ZNF423: variants seen among roughly 807,000 people sequenced by gnomAD.
The protein encoded by ZNF423 is Ebf-associated zinc finger protein.
In ZNF423, 12 loss-of-function variants were observed where a neutral mutation model predicts 95.8. The observed-to-expected ratio is 0.13, with a 90% confidence interval of 0.08 to 0.20. The LOEUF (loss-of-function observed/expected upper bound fraction) is 0.20. Among genes scored for constraint, ZNF423 ranks in the 10% least tolerant of loss-of-function variants. The pLI is 1.00. For synonymous variants in ZNF423, 749 were observed against 711.9 expected (o/e 1.05, Z -0.83); for missense variants, 1,316 against 1,737.1 (o/e 0.76, Z 4.31).
chr16:49,608,896 C>T (rs1011128265), intron 5 of ZNF423, among the ~76,000 whole-genome samples: 3 of 152,150 alleles, frequency 2.0e-5, no homozygotes, highest in Non-Finnish European at 4.4e-5. Flanking sequence ...TATAATGAGG[C>T]ACTCACCGCC....
At chr16:49,844,450 A>C (rs1384750511) in intron 1 of ZNF423, among the ~76,000 whole-genome samples, 1 of 152,204 alleles carries the variant, frequency 6.6e-6, no homozygotes, top group Non-Finnish European at 1.5e-5. Flanking sequence ...GAGAACCGGC[A>C]TCAGCCTCTC....
At chr16:49,546,183 C>T (rs926245826) in intron 5 of ZNF423, among the ~76,000 whole-genome samples, 8 of 152,162 alleles carry the variant, frequency 5.3e-5, no homozygotes, top group African/African-American at 1.9e-4. Context: ...TGATCAAGCA[C>T]ATTGCCCAGC....
At chr16:49,517,534 G>C (rs139895257) in intron 7 of ZNF423, among the ~76,000 whole-genome samples, 4 of 152,174 alleles carry the variant, frequency 2.6e-5, no homozygotes, top group African/African-American at 9.7e-5. Flanking sequence ...GGGTGAGCGT[G>C]GGCAGGTGTA....
At chr16:49,858,720 C>CT (rs1313619696), upstream of ZNF423, among the ~76,000 whole-genome samples, 1 of 121,322 alleles carries the variant, frequency 8.2e-6, no homozygotes, top group African/African-American at 3.0e-5. The surrounding 1 kb of genome is among the most constrained non-coding windows in gnomAD (Gnocchi z 4.3). Flanking sequence ...AATAGGAGCC[C>CT]CCCCCCCCAC....
At chr16:49,722,272 C>T (rs1463718302) in intron 3 of ZNF423, among the ~76,000 whole-genome samples, 1 of 152,132 alleles carries the variant, frequency 6.6e-6, no homozygotes, top group Non-Finnish European at 1.5e-5. Flanking sequence ...CCACCCTGCC[C>T]ATCCACTTCC....
chr16:49,599,741 G>T (rs1971298134), intron 5 of ZNF423, among the ~76,000 whole-genome samples: 1 of 152,188 alleles, frequency 6.6e-6, no homozygotes, highest in Admixed American at 6.5e-5. Context: ...TAGAGCCAAA[G>T]AAGCCAGACA....
chr16:49,797,773 A>G (rs1437439579), intron 1 of ZNF423, among the ~76,000 whole-genome samples: 1 of 152,228 alleles, frequency 6.6e-6, no homozygotes, highest in African/African-American at 2.4e-5. Flanking sequence ...CAGCACAGGT[A>G]AGATCGCCTG....
chr16:49,756,450 T>A (rs4785188), intron 2 of ZNF423, among the ~76,000 whole-genome samples: 24,395 of 152,116 alleles, frequency 0.16, 2,036 homozygotes, highest in South Asian at 0.26. Flanking sequence ...AACAGCCTTT[T>A]GGAAGGCCAG....
intron 3 of ZNF423, among the ~76,000 whole-genome samples, chr16:49,653,387 C>T (rs1973491209): frequency 6.7e-6 from 1 of 149,964 alleles, no homozygotes; most frequent in Non-Finnish European, 1.5e-5. Flanking sequence ...CCGGAGGGAA[C>T]AGCAAAATTA....
chr16:49,512,861 C>T (rs1452272209), intron 7 of ZNF423, among the ~76,000 whole-genome samples: 3 of 152,030 alleles, frequency 2.0e-5, no homozygotes, highest in African/African-American at 7.2e-5. Context: ...TTTGAGAGGC[C>T]GAGGCAAGTG....
At chr16:49,673,243 T>C (rs892095893) in intron 3 of ZNF423, among the ~76,000 whole-genome samples, 3 of 151,996 alleles carry the variant, frequency 2.0e-5, no homozygotes, top group African/African-American at 7.3e-5. Context: ...TTGGGAGGAG[T>C]GGTGACCCCA....
At chr16:49,583,652 C>T (rs1396411666) in intron 5 of ZNF423, among the ~76,000 whole-genome samples, 2 of 152,138 alleles carry the variant, frequency 1.3e-5, no homozygotes, top group Admixed American at 1.3e-4. Flanking sequence ...TCGTCAAGCT[C>T]AATGACCATT....
intron 1 of ZNF423, among the ~76,000 whole-genome samples, chr16:49,794,442 G>C (rs1322444749): frequency 6.6e-6 from 1 of 152,102 alleles, no homozygotes; most frequent in East Asian, 1.9e-4. Flanking sequence ...AATGGCCACA[G>C]GCATTTTGCA....
chr16:49,740,289 G>T (rs943344204), intron 2 of ZNF423, among the ~76,000 whole-genome samples: 3 of 152,196 alleles, frequency 2.0e-5, no homozygotes, highest in Non-Finnish European at 4.4e-5. Flanking sequence ...CCCTGGCTTA[G>T]CCTCTATTCA....
intron 1 of ZNF423, among the ~76,000 whole-genome samples, chr16:49,792,018 A>AAG (rs1555486464): frequency 0.012 from 1,636 of 138,130 alleles, 27 homozygotes; most frequent in African/African-American, 0.042. Flanking sequence ...AAAAAAAAAA[A>AAG]AAAGAAAGAA....
At chr16:49,665,145 G>A (rs979836294) in intron 3 of ZNF423, among the ~76,000 whole-genome samples, 5 of 152,282 alleles carry the variant, frequency 3.3e-5, no homozygotes, top group Admixed American at 1.3e-4. Flanking sequence ...GGCCCAAGGG[G>A]TGGCACTTCC....
rs571611473 is a variant in ZNF423, at chr16:49,518,889, T to C, written c.3849+4735A>G. On this transcript the variant is annotated intron_variant, in intron 7 of 7. Transcript: ENST00000563137. ...GGGCAGTATCATGAGACCCCACCTA[T>C]AAAATTAAAAGTTAAAATTAAAAAA... Among the ~76,000 whole-genome samples, 5 of 152,220 alleles carry C rather than the reference T, an allele frequency of 3.3e-5. No individual in the cohort carries two copies. In the East Asian group the frequency reaches 7.7e-4, roughly 24 times the overall value.
intron 5 of ZNF423, among the ~76,000 whole-genome samples, chr16:49,552,188 G>A (rs1969665746): frequency 6.6e-6 from 1 of 152,164 alleles, no homozygotes; most frequent in Admixed American, 6.5e-5. Context: ...TTAATGCTTG[G>A]CCCCCATAGA....
At chr16:49,523,479 A>G (rs559876122) in intron 7 of ZNF423, 145 bp downstream of exon 7, 16 of 668,624 alleles carry the variant, frequency 2.4e-5, no homozygotes, top group South Asian at 2.0e-4. Context: ...CTGAAACTCC[A>G]TGCCTGCTAG....
Sources: gnomAD v4.1 joint callset for allele counts (sites outside exome capture counted in the v4.1 genomes callset) on GRCh38, gnomAD v4.1.1 for gene constraint, Gnocchi (gnomAD v3.1) non-coding constraint, MANE v1.5 for transcripts, NCBI Gene and HGNC (gene_info 2026-07-23, HGNC 2026-07-21) for gene names.